Variants in NSMCE2 observed in about 807,000 individuals in gnomAD.
NSMCE2 encodes the protein NSE2 SUMO ligase component of SMC5/6 complex.
Under a neutral mutation model 23.8 loss-of-function variants are expected in NSMCE2, and 24 were observed. The ratio of observed to expected loss-of-function variants is 1.01; its 90% CI spans 0.73 to 1.42. NSMCE2 has a LOEUF of 1.42. Ranked by LOEUF, NSMCE2 falls within the 40% of genes most tolerant of loss-of-function variation. The pLI, the probability that NSMCE2 is intolerant of heterozygous loss-of-function variation, is 0.00. For missense variants in NSMCE2, 284 were observed against 296.5 expected (o/e 0.96, Z 0.31); for synonymous variants, 92 against 94.1 (o/e 0.98, Z 0.13).
chr8:125,169,771 A>C (rs1328689034), intron 4 of NSMCE2, among the ~76,000 whole-genome samples: 2 of 151,370 alleles, frequency 1.3e-5, no homozygotes, highest in South Asian at 2.1e-4. Flanking sequence ...TACCTTCTTC[A>C]GTTTTTCCTT....
At chr8:125,099,328 T>TA (rs1423958184) in intron 1 of NSMCE2, among the ~76,000 whole-genome samples, 2 of 152,014 alleles carry the variant, frequency 1.3e-5, no homozygotes, top group Non-Finnish European at 2.9e-5. Context: ...GATGAGGTGA[T>TA]ACTCAAAGGG....
chr8:125,246,795 T>G (rs1334667989), intron 5 of NSMCE2, among the ~76,000 whole-genome samples: 6 of 152,212 alleles, frequency 3.9e-5, no homozygotes, highest in Non-Finnish European at 8.8e-5. Flanking sequence ...TGTACAAGTC[T>G]ACAACTTGAT....
chr8:125,345,921 C>G (rs1830414883), intron 5 of NSMCE2, among the ~76,000 whole-genome samples: 1 of 152,062 alleles, frequency 6.6e-6, no homozygotes, highest in African/African-American at 2.4e-5. Context: ...TTTGGGAGGC[C>G]AAGGCAGGCA....
chr8:125,272,270 TC>T (rs1435861062), intron 5 of NSMCE2, among the ~76,000 whole-genome samples: 9 of 152,114 alleles, frequency 5.9e-5, no homozygotes, highest in Non-Finnish European at 1.2e-4. Flanking sequence ...CGCCTCAGCC[TC>T]CCAAAGTGCT....
At chr8:125,208,178 G>C (rs1441809128) in intron 5 of NSMCE2, among the ~76,000 whole-genome samples, 1 of 152,122 alleles carries the variant, frequency 6.6e-6, no homozygotes, top group African/African-American at 2.4e-5. Context: ...CATTACCCCT[G>C]CAAAACAAGG....
chr8:125,102,285 C>T (rs571889069), intron 2 of NSMCE2, 32 bp from the exon 3 acceptor site: 48 of 1,483,320 alleles, frequency 3.2e-5, no homozygotes, highest in African/African-American at 5.5e-5. Context: ...TTCTGACTTA[C>T]GAATCTTGTT....
chr8:125,116,885 CTTTTTTT>C (rs35636109), intron 3 of NSMCE2, among the ~76,000 whole-genome samples: 2 of 129,540 alleles, frequency 1.5e-5, no homozygotes, highest in Admixed American at 7.8e-5. Context: ...AAGCATATAA[CTTTTTTT>C]TTTTTTTTTT....
chr8:125,333,044 G>A (rs919430971), intron 5 of NSMCE2, among the ~76,000 whole-genome samples: 6 of 152,166 alleles, frequency 3.9e-5, no homozygotes, highest in Non-Finnish European at 8.8e-5. Flanking sequence ...ATTGATTGTT[G>A]CCAGTGAGCT....
At chr8:125,327,195 G>A (rs1586774829) in intron 5 of NSMCE2, among the ~76,000 whole-genome samples, 1 of 149,786 alleles carries the variant, frequency 6.7e-6, no homozygotes, top group South Asian at 2.1e-4. Context: ...GAACCTGGGA[G>A]GCAGAGGTTG....
intron 5 of NSMCE2, among the ~76,000 whole-genome samples, chr8:125,338,953 T>G (rs1171745613): frequency 6.6e-6 from 1 of 152,186 alleles, no homozygotes; most frequent in Non-Finnish European, 1.5e-5. Context: ...AGATTTACAG[T>G]TGACATGAAG....
At chr8:125,137,634 A>G (rs1820138570) in intron 3 of NSMCE2, among the ~76,000 whole-genome samples, 1 of 152,184 alleles carries the variant, frequency 6.6e-6, no homozygotes, top group African/African-American at 2.4e-5. Flanking sequence ...TCTAACATGC[A>G]TAAATCTTAA....
At chr8:125,351,855 T>C (rs994725492) in intron 5 of NSMCE2, among the ~76,000 whole-genome samples, 5 of 151,702 alleles carry the variant, frequency 3.3e-5, no homozygotes, top group Admixed American at 3.3e-4. Context: ...CTACTAAAAA[T>C]ACACAAAATT....
At chr8:125,102,762 A>G (rs1818260484) in intron 3 of NSMCE2, among the ~76,000 whole-genome samples, 1 of 152,208 alleles carries the variant, frequency 6.6e-6, no homozygotes, top group Admixed American at 6.5e-5. Context: ...CATACAATCT[A>G]AAGTATTTGA....
intron 5 of NSMCE2, among the ~76,000 whole-genome samples, chr8:125,286,311 A>ATT (rs369845619): frequency 0.04 from 3,923 of 98,882 alleles, 249 homozygotes; most frequent in African/African-American, 0.11. Context: ...AATACCTTTT[A>ATT]TTTATTTTTT....
intron 3 of NSMCE2, among the ~76,000 whole-genome samples, chr8:125,119,297 T>A (rs1217174417): frequency 6.6e-6 from 1 of 152,236 alleles, no homozygotes; most frequent in Non-Finnish European, 1.5e-5. Flanking sequence ...AAATAATTAC[T>A]TGCTGTGTTC....
chr8:125,350,697 G>C (rs1812995780), intron 5 of NSMCE2, among the ~76,000 whole-genome samples: 1 of 152,190 alleles, frequency 6.6e-6, no homozygotes. Context: ...ATCAGATCTT[G>C]TGAGACTTAT....
chr8:125,269,673 T>C (rs1471388365), intron 5 of NSMCE2, among the ~76,000 whole-genome samples: 1 of 152,214 alleles, frequency 6.6e-6, no homozygotes, highest in Non-Finnish European at 1.5e-5. Flanking sequence ...TTGGCAATAG[T>C]TCATGGAATC....
rs146117008 is a variant in NSMCE2 at position 125,162,707 on chromosome 8, A to G, written c.264+11430A>G. ...TACTGTTCTGTCCTGTTAACTTTTT[A>G]CTTCTTTCTCTTACCACAAAAACAC... is the stretch of plus-strand genomic sequence containing the variant. On this transcript the variant is annotated intron_variant, in intron 4 of 7. Coordinates refer to ENST00000287437, the MANE Select transcript of NSMCE2 (RefSeq NM_173685.4). Among the ~76,000 whole-genome samples, 3 of 152,194 alleles carry G rather than the reference A, an allele frequency of 2.0e-5. No homozygotes were observed. In the East Asian group the frequency reaches 5.8e-4, roughly 29 times the overall value.
At chr8:125,146,091 A>G (rs995397607) in intron 3 of NSMCE2, among the ~76,000 whole-genome samples, 7 of 152,194 alleles carry the variant, frequency 4.6e-5, no homozygotes, top group Non-Finnish European at 1.0e-4. Flanking sequence ...ATAGCCTCTG[A>G]GTGGCATTGT....
Sources: allele counts gnomAD v4.1 joint callset (sites outside exome capture counted in the v4.1 genomes callset), GRCh38; gene constraint gnomAD v4.1.1; transcripts MANE v1.5; gene names NCBI Gene and HGNC (gene_info 2026-07-23, HGNC 2026-07-21).